The following PTPRM variants were observed in gnomAD, a reference collection of about 807,000 sequenced individuals.
PTPRM encodes the protein receptor-type tyrosine-protein phosphatase mu.
A neutral mutation model predicts 186.7 loss-of-function variants in PTPRM; 47 were observed. The observed-to-expected ratio is 0.25, with a 90% CI of 0.20 to 0.32. PTPRM has a LOEUF of 0.32. Among genes scored for constraint, PTPRM ranks in the 10% least tolerant of loss-of-function variants. PTPRM has a pLI of 1.00. For missense variants in PTPRM, 1,494 were observed against 1,865.0 expected, an observed-to-expected ratio of 0.80 and a Z score of 3.66; for synonymous variants, 668 against 674.9, an observed-to-expected ratio of 0.99 and a Z score of 0.16.
rs114407835 is a variant in PTPRM, at chr18:8,204,612, G to A, written c.2301-39446G>A. 9.3e-3 allele frequency among the ~76,000 whole-genome samples: 1,408 copies of A among 152,098 alleles called. 24 individuals are homozygous for A. The highest frequency in any genetic ancestry group is 0.032 in the African/African-American group (1,316 of 41,498). Reference sequence around the variant, plus strand: ...GCTGCCTCCACAAGGAGTCCTATTAGCAAAAGAAGGGGAGCCATGTGCTAG... The same window carrying A: ...GCTGCCTCCACAAGGAGTCCTATTAACAAAAGAAGGGGAGCCATGTGCTAG... On this transcript the variant is annotated intron_variant, in intron 14 of 32. Coordinates refer to ENST00000580170, the MANE Select transcript of PTPRM (RefSeq NM_001105244.2).
intron 8 of PTPRM, among the ~76,000 whole-genome samples, chr18:8,070,387 G>T (rs369922871): frequency 3.3e-5 from 4 of 122,518 alleles, no homozygotes; most frequent in Admixed American, 8.4e-5. Flanking sequence ...TATTTAAATG[G>T]CATTCTGAAA....
At chr18:7,739,484 T>A (rs1207284204) in intron 1 of PTPRM, among the ~76,000 whole-genome samples, 1 of 152,278 alleles carries the variant, frequency 6.6e-6, no homozygotes, top group Non-Finnish European at 1.5e-5. Context: ...TAACCACATT[T>A]GTTTAAAAAT....
intron 14 of PTPRM, among the ~76,000 whole-genome samples, chr18:8,147,960 A>G (rs186987925): frequency 0.011 from 1,603 of 152,302 alleles, 10 homozygotes; most frequent in Non-Finnish European, 0.018. Context: ...TGATTTGTGT[A>G]TGTTGAACCA....
chr18:7,588,036 G>A (rs2037024847), intron 1 of PTPRM, among the ~76,000 whole-genome samples: 1 of 152,076 alleles, frequency 6.6e-6, no homozygotes, highest in Admixed American at 6.5e-5. Flanking sequence ...ATCATATTTT[G>A]TAATAAGTTA....
intron 2 of PTPRM, among the ~76,000 whole-genome samples, chr18:7,812,944 C>T (rs1290374522): frequency 6.6e-6 from 1 of 152,158 alleles, no homozygotes; most frequent in East Asian, 1.9e-4. Flanking sequence ...AAGCACAGAA[C>T]AGGGTATGTC....
At chr18:8,240,643 GAGAGAGAGAGAAAGAA>G (rs1220986199) in intron 14 of PTPRM, among the ~76,000 whole-genome samples, 5 of 32,602 alleles carry the variant, frequency 1.5e-4, no homozygotes, top group South Asian at 1.1e-3. Flanking sequence ...GAGAGAGAGA[GAGAGAGAGAGAAAGAA>G]AGAAAGAAAG....
At chr18:7,795,088 G>A (rs1016511536) in intron 2 of PTPRM, among the ~76,000 whole-genome samples, 1 of 152,232 alleles carries the variant, frequency 6.6e-6, no homozygotes, top group Non-Finnish European at 1.5e-5. Flanking sequence ...ATCACCAGAT[G>A]TACTAAGAGC....
At chr18:7,996,878 A>G in intron 7 of PTPRM, among the ~76,000 whole-genome samples, 1 of 152,210 alleles carries the variant, frequency 6.6e-6, no homozygotes, top group South Asian at 2.1e-4. Flanking sequence ...CACTAATGAA[A>G]GGAATTGAAA....
intron 2 of PTPRM, among the ~76,000 whole-genome samples, chr18:7,796,501 G>T (rs1452881348): frequency 1.3e-5 from 2 of 152,186 alleles, no homozygotes; most frequent in Non-Finnish European, 2.9e-5. Flanking sequence ...AGCAGCGTGA[G>T]AGCTCACCTC....
At chr18:7,810,483 C>T (rs1568162784) in intron 2 of PTPRM, among the ~76,000 whole-genome samples, 1 of 152,158 alleles carries the variant, frequency 6.6e-6, no homozygotes, top group South Asian at 2.1e-4. Flanking sequence ...ATTTCTTGAG[C>T]AAAGCCTGTT....
At chr18:8,224,796 A>G (rs901268782) in intron 14 of PTPRM, among the ~76,000 whole-genome samples, 1 of 152,206 alleles carries the variant, frequency 6.6e-6, no homozygotes, top group Non-Finnish European at 1.5e-5. Context: ...ATGCATTCTT[A>G]TGCTGTCATT....
chr18:8,105,932 A>T (rs2091496118), intron 11 of PTPRM, among the ~76,000 whole-genome samples: 1 of 152,258 alleles, frequency 6.6e-6, no homozygotes, highest in Admixed American at 6.5e-5. Context: ...CTCGACAGAG[A>T]GTAGTTCCAA....
At position 8,085,673 on chromosome 18, in the gene PTPRM, C is replaced by G. The variant is rs1379881539; in HGVS notation, c.1554C>G (p.Ile518Met). 4.4e-6 allele frequency: 7 copies of G among 1,592,172 alleles called. No individual in the cohort carries two copies. Among genetic ancestry groups the G allele is most frequent in the Non-Finnish European group, 6.0e-6 (7 of 1,160,408 alleles). ...QTYGVITLYE[I>M]TYKAVSSFDP... ...ATCACTTTCTCATTCTTTTGCAGAT[C>G]ACCTACAAAGCAGTCAGTTCCTTTG... is the stretch of plus-strand genomic sequence containing the variant. The change falls in exon 10 of 33, where the codon ATC becomes ATG. Residue 518 changes from isoleucine to methionine, a missense_variant and splice_region_variant. By Grantham distance (10) the Ile-to-Met change is conservative (BLOSUM62 1). This residue lies in a region of PTPRM where 1,107 missense variants were observed against 1,350.2 expected (regional missense o/e 0.82). Transcript: ENST00000580170.
intron 13 of PTPRM, among the ~76,000 whole-genome samples, chr18:8,127,418 G>GTT (rs10700223): frequency 0.018 from 2,393 of 133,800 alleles, 68 homozygotes; most frequent in African/African-American, 0.027. Flanking sequence ...CAGCTGTATT[G>GTT]TTTTTTTTTT....
chr18:8,102,156 G>C lies in PTPRM; in HGVS notation c.1857-11330G>C, dbSNP rs148817097. ...TTGCTAAAAGTACTGATGATCATCTGAGCCTTCAATGAGGCATAATCTTTT... is the reference window on the plus strand; with the variant it reads ...TTGCTAAAAGTACTGATGATCATCTCAGCCTTCAATGAGGCATAATCTTTT... On this transcript the variant is annotated intron_variant, in intron 11 of 32. Transcript: ENST00000580170. 8.5e-3 allele frequency among the ~76,000 whole-genome samples: 1,288 copies of C among 152,278 alleles called. 10 individuals are homozygous for C. Among genetic ancestry groups the C allele is most frequent in the Non-Finnish European group, 0.013 (885 of 68,018 alleles).
chr18:7,794,527 G>A (rs2043510358), intron 2 of PTPRM, among the ~76,000 whole-genome samples: 1 of 152,092 alleles, frequency 6.6e-6, no homozygotes, highest in Non-Finnish European at 1.5e-5. Context: ...GGACCATAGG[G>A]CCCAAGTCTC....
intron 7 of PTPRM, among the ~76,000 whole-genome samples, chr18:7,966,434 C>T (rs2054057439): frequency 6.6e-6 from 1 of 152,172 alleles, no homozygotes; most frequent in Non-Finnish European, 1.5e-5. Context: ...AGCATTGAAA[C>T]CCTTTCTAGA....
intron 11 of PTPRM, among the ~76,000 whole-genome samples, chr18:8,106,264 A>G (rs1042184292): frequency 1.7e-4 from 26 of 151,750 alleles, no homozygotes; most frequent in African/African-American, 5.8e-4. Context: ...GATGAAGGGT[A>G]CTCACAAGCA....
chr18:7,668,086 G>C lies in PTPRM; in HGVS notation c.73+100195G>C, dbSNP rs1232171841. Among the ~76,000 whole-genome samples the C allele has an allele frequency of 6.6e-6, 1 of 152,138 alleles. No homozygotes were observed. The highest frequency in any genetic ancestry group is 1.5e-5 in the Non-Finnish European group (1 of 68,036). Reference sequence around the variant, plus strand: ...GTGTCCCCCGTTTTTTATTTTTATGGTGGTGGTTGTAATGTATTTGCTTTT... The same window carrying C: ...GTGTCCCCCGTTTTTTATTTTTATGCTGGTGGTTGTAATGTATTTGCTTTT... On this transcript the variant is annotated intron_variant, in intron 1 of 32. Transcript: ENST00000580170. This position sits in a 1 kb window ranked among gnomAD's most constrained non-coding sequence, Gnocchi z 4.7.
Sources: gnomAD v4.1 joint callset for allele counts (sites outside exome capture counted in the v4.1 genomes callset) on GRCh38, gnomAD v4.1.1 for gene constraint, gnomAD v4.1.1 regional missense constraint, Gnocchi (gnomAD v3.1) non-coding constraint, MANE v1.5 for transcripts, NCBI Gene and HGNC (gene_info 2026-07-23, HGNC 2026-07-21) for gene names.